Variants in SPMIP11 observed in about 807,000 individuals in gnomAD.
SPMIP11 encodes the protein sperm microtubule inner protein 11, also known as long intergenic non-protein coding RNA 935.
the SPMIP11 span, among the ~76,000 whole-genome samples, chr12:48,760,335 G>C: frequency 3.3e-5 from 5 of 151,900 alleles, no homozygotes; most frequent in Non-Finnish European, 7.4e-5. Flanking sequence ...CACCAAGCCT[G>C]GCTAATTTTT....
the SPMIP11 span, among the ~76,000 whole-genome samples, chr12:48,730,903 A>C: frequency 6.6e-6 from 1 of 152,002 alleles, no homozygotes; most frequent in Non-Finnish European, 1.5e-5. Context: ...GCATCATTGC[A>C]CTCCAGCCTG....
chr12:48,735,587 A>AAAAT, the SPMIP11 span, among the ~76,000 whole-genome samples: 5,702 of 151,952 alleles, frequency 0.038, 323 homozygotes, highest in African/African-American at 0.12. Context: ...CTCCATCTCA[A>AAAAT]AAATAAATAA....
At chr12:48,743,359 G>A in the SPMIP11 span, among the ~76,000 whole-genome samples, 1 of 152,080 alleles carries the variant, frequency 6.6e-6, no homozygotes, top group Non-Finnish European at 1.5e-5. Context: ...CAATGTGGGT[G>A]GCAGAGCAAG....
chr12:48,740,850 G>T, the SPMIP11 span, among the ~76,000 whole-genome samples: 34 of 151,848 alleles, frequency 2.2e-4, no homozygotes, highest in African/African-American at 7.5e-4. Flanking sequence ...TCACGCCACT[G>T]CACTCCAGCC....
At chr12:48,767,398 A>C in the SPMIP11 span, 1 of 152,604 alleles carries the variant, frequency 6.6e-6, no homozygotes, top group Non-Finnish European at 1.5e-5. Context: ...ATCTCTCTAC[A>C]TCCCCTGAAG....
chr12:48,754,503 T>A, the SPMIP11 span, among the ~76,000 whole-genome samples: 1 of 151,338 alleles, frequency 6.6e-6, no homozygotes, highest in Non-Finnish European at 1.5e-5. Flanking sequence ...CAGGCTGGAG[T>A]GCAGTGGTGT....
At chr12:48,743,933 C>CAAAAAAAAAAAAAAAA in the SPMIP11 span, among the ~76,000 whole-genome samples, 11 of 34,870 alleles carry the variant, frequency 3.2e-4, no homozygotes, top group African/African-American at 1.2e-3. Context: ...GACTTCGTCT[C>CAAAAAAAAAAAAAAAA]AAAAAAAAAA....
At chr12:48,743,098 C>A in the SPMIP11 span, among the ~76,000 whole-genome samples, 1 of 151,442 alleles carries the variant, frequency 6.6e-6, no homozygotes, top group South Asian at 2.1e-4. Context: ...CCTGTCTCTA[C>A]TAAAAATACA....
At chr12:48,769,126 C>G in the SPMIP11 span, 6 of 1,418,114 alleles carry the variant, frequency 4.2e-6, no homozygotes, top group Non-Finnish European at 5.6e-6. Flanking sequence ...AGTCATCCCA[C>G]CTCCTGGCAC....
chr12:48,756,775 T>C, the SPMIP11 span, among the ~76,000 whole-genome samples: 129 of 78,618 alleles, frequency 1.6e-3, 4 homozygotes, highest in Non-Finnish European at 3.3e-3. Context: ...TTTTTTCTTT[T>C]TTTCTTTTTT....
At chr12:48,744,996 C>T in the SPMIP11 span, among the ~76,000 whole-genome samples, 47 of 152,124 alleles carry the variant, frequency 3.1e-4, no homozygotes, top group African/African-American at 2.4e-5. Context: ...AGAGGCCGGG[C>T]GTGGTGGCTC....
At chr12:48,758,177 A>G in the SPMIP11 span, among the ~76,000 whole-genome samples, 2 of 152,186 alleles carry the variant, frequency 1.3e-5, no homozygotes, top group Non-Finnish European at 2.9e-5. Flanking sequence ...AAATACATAA[A>G]TAAATAAAAA....
chr12:48,758,151 G>A, the SPMIP11 span, among the ~76,000 whole-genome samples: 2 of 152,164 alleles, frequency 1.3e-5, no homozygotes, highest in African/African-American at 2.4e-5. Context: ...CTGGGTGGCA[G>A]AGGGAGACCG....
the SPMIP11 span, among the ~76,000 whole-genome samples, chr12:48,760,215 C>T: frequency 2.0e-5 from 3 of 152,152 alleles, no homozygotes; most frequent in African/African-American, 7.2e-5. Context: ...ATTCTGTCAC[C>T]CAGGCTGGAG....
chr12:48,764,146 C>A, the SPMIP11 span, among the ~76,000 whole-genome samples: 1 of 151,524 alleles, frequency 6.6e-6, no homozygotes, highest in Admixed American at 6.6e-5. Context: ...CCACGCCCGG[C>A]TAATTTTTGT....
At chr12:48,749,269 A>AG in the SPMIP11 span, among the ~76,000 whole-genome samples, 1 of 151,042 alleles carries the variant, frequency 6.6e-6, no homozygotes, top group Non-Finnish European at 1.5e-5. Context: ...CTCAAAAAAA[A>AG]AAAAAAATCT....
the SPMIP11 span, among the ~76,000 whole-genome samples, chr12:48,739,598 T>C: frequency 6.6e-6 from 1 of 152,236 alleles, no homozygotes; most frequent in Non-Finnish European, 1.5e-5. Context: ...TCAGGAAACT[T>C]ACACTCATGG....
chr12:48,753,692 CTT>C, the SPMIP11 span, among the ~76,000 whole-genome samples: 176 of 118,810 alleles, frequency 1.5e-3, no homozygotes, highest in African/African-American at 5.0e-3. Context: ...TTTTTTTTTT[CTT>C]TTTTTTTTTT....
the SPMIP11 span, among the ~76,000 whole-genome samples, chr12:48,737,012 A>C: frequency 0.29 from 43,402 of 151,048 alleles, 6,814 homozygotes; most frequent in Middle Eastern, 0.34. Context: ...TGCAGTGGCA[A>C]AATCTTGGCT....
Sources: allele counts gnomAD v4.1 joint callset (sites outside exome capture counted in the v4.1 genomes callset), GRCh38; gene constraint gnomAD v4.1.1; transcripts MANE v1.5; gene names NCBI Gene and HGNC (gene_info 2026-07-23, HGNC 2026-07-21).